The following RORA variants were observed in gnomAD, a reference collection of about 807,000 sequenced individuals.
RORA encodes the protein nuclear receptor ROR-alpha.
In RORA, 7 loss-of-function variants were observed where a neutral mutation model predicts 69.5. The ratio of observed to expected loss-of-function variants is 0.10; its 90% CI spans 0.06 to 0.19. RORA has a LOEUF of 0.19. RORA is among the 10% of genes least tolerant of loss of function. RORA has a pLI of 1.00. For missense variants in RORA, 457 were observed against 663.0 expected (o/e 0.69, Z 3.41); for synonymous variants, 261 against 240.8 (o/e 1.08, Z -0.78).
rs1218975252 is a variant in RORA, at chr15:61,000,659, G to C, written c.166+228394C>G. 3.9e-5 allele frequency among the ~76,000 whole-genome samples: 6 copies of C among 152,176 alleles called. No homozygotes were observed. The East Asian group carries it at 1.2e-3, about 29-fold the overall frequency. On this transcript the variant is annotated intron_variant, in intron 1 of 10. Coordinates refer to ENST00000335670, the MANE Select transcript of RORA (RefSeq NM_134261.3). ...GAGTGAAGGTTAGTGGAATTGGGGT[G>C]GTTTTGACCTCAGAAGAAAGAAAAA... is the stretch of plus-strand genomic sequence containing the variant.
chr15:61,077,258 G>A (rs2078465700), intron 1 of RORA, among the ~76,000 whole-genome samples: 1 of 152,112 alleles, frequency 6.6e-6, no homozygotes. Flanking sequence ...AGGGGAGAAA[G>A]ATAAGGAGAG....
intron 1 of RORA, among the ~76,000 whole-genome samples, chr15:61,051,592 ACAG>A (rs1470045261): frequency 6.6e-6 from 1 of 152,198 alleles, no homozygotes; most frequent in Non-Finnish European, 1.5e-5. Flanking sequence ...AAAGCATCCC[ACAG>A]CAGTTTTAAG....
intron 1 of RORA, among the ~76,000 whole-genome samples, chr15:60,766,065 A>G (rs1567183119): frequency 6.6e-6 from 1 of 152,174 alleles, no homozygotes. Flanking sequence ...TACGCATAGA[A>G]AGCTGTAAAC....
intron 1 of RORA, among the ~76,000 whole-genome samples, chr15:60,869,902 C>T (rs908199436): frequency 6.6e-6 from 1 of 152,162 alleles, no homozygotes; most frequent in Non-Finnish European, 1.5e-5. Context: ...GAGGAGGCAA[C>T]TTGACTAGGA....
chr15:61,176,103 C>T (rs2079627049), intron 1 of RORA: 1 of 152,166 alleles, frequency 6.6e-6, no homozygotes, highest in Admixed American at 6.5e-5. Flanking sequence ...CATTTATTTA[C>T]TTTGAATATT....
chr15:61,027,247 T>C (rs915544404), intron 1 of RORA, among the ~76,000 whole-genome samples: 2 of 152,254 alleles, frequency 1.3e-5, no homozygotes, highest in Non-Finnish European at 2.9e-5. Context: ...TGCAAGTTTA[T>C]ATTTCTAGTA....
chr15:60,724,312 A>C (rs1161063072), intron 1 of RORA, among the ~76,000 whole-genome samples: 2 of 152,208 alleles, frequency 1.3e-5, no homozygotes, highest in Non-Finnish European at 1.5e-5. Flanking sequence ...AGCACTTTAC[A>C]TGTATTTTCT....
intron 1 of RORA, among the ~76,000 whole-genome samples, chr15:61,037,213 G>T (rs1018166371): frequency 1.3e-5 from 2 of 152,166 alleles, no homozygotes; most frequent in African/African-American, 2.4e-5. Flanking sequence ...TTAGTACTGT[G>T]CCAGACATGT....
At chr15:61,224,852 T>G (rs1477301440) in intron 1 of RORA, among the ~76,000 whole-genome samples, 2 of 152,176 alleles carry the variant, frequency 1.3e-5, no homozygotes, top group African/African-American at 4.8e-5. Flanking sequence ...AGCCCCCACC[T>G]CTGCTACCTT....
intron 1 of RORA, among the ~76,000 whole-genome samples, chr15:61,200,309 T>C (rs995345667): frequency 6.6e-6 from 1 of 152,126 alleles, no homozygotes; most frequent in Non-Finnish European, 1.5e-5. Flanking sequence ...TCGCTCCTTT[T>C]TGGACCCTGC....
intron 1 of RORA, among the ~76,000 whole-genome samples, chr15:60,998,619 G>A (rs183328268): frequency 5.9e-5 from 9 of 152,220 alleles, no homozygotes; most frequent in Non-Finnish European, 1.0e-4. Flanking sequence ...GGCCGGTCTC[G>A]AACTCCTGAC....
chr15:60,651,398 C>T (rs1271197711), intron 2 of RORA, among the ~76,000 whole-genome samples: 1 of 152,122 alleles, frequency 6.6e-6, no homozygotes, highest in Non-Finnish European at 1.5e-5. Flanking sequence ...TAGAGTATTC[C>T]TATTTACATA....
At chr15:60,542,644 ACACAC>A (rs2066924262) in intron 2 of RORA, among the ~76,000 whole-genome samples, 1 of 102,078 alleles carries the variant, frequency 9.8e-6, no homozygotes, top group African/African-American at 4.8e-5. Flanking sequence ...CTCACACACG[ACACAC>A]GGGCACACCT....
intron 1 of RORA, among the ~76,000 whole-genome samples, chr15:61,011,684 T>C (rs1247902165): frequency 1.3e-5 from 2 of 152,234 alleles, no homozygotes; most frequent in Non-Finnish European, 2.9e-5. Flanking sequence ...TGAATTACTC[T>C]AGGCATTGCT....
intron 1 of RORA, among the ~76,000 whole-genome samples, chr15:61,177,539 A>T (rs1424266557): frequency 6.6e-6 from 1 of 152,208 alleles, no homozygotes; most frequent in Non-Finnish European, 1.5e-5. Flanking sequence ...CCCAGCTTCC[A>T]TCACATAACT....
intron 2 of RORA, among the ~76,000 whole-genome samples, chr15:60,631,042 A>G (rs1463347969): frequency 6.6e-6 from 1 of 151,676 alleles, no homozygotes; most frequent in Admixed American, 6.6e-5. Context: ...GGCACCCACC[A>G]CCACACCCAG....
intron 1 of RORA, among the ~76,000 whole-genome samples, chr15:60,852,710 G>A (rs1435550092): frequency 1.3e-5 from 2 of 152,158 alleles, no homozygotes; most frequent in South Asian, 2.1e-4. Context: ...AGCCTGGAAG[G>A]GAAATGAAGG....
intron 1 of RORA, among the ~76,000 whole-genome samples, chr15:60,780,620 A>C (rs996141747): frequency 3.3e-5 from 5 of 152,244 alleles, no homozygotes; most frequent in Non-Finnish European, 7.3e-5. Flanking sequence ...TTTGCTTGAT[A>C]GATGAGCACA....
chr15:60,867,239 A>G (rs139623220), intron 1 of RORA, among the ~76,000 whole-genome samples: 1 of 152,262 alleles, frequency 6.6e-6, no homozygotes, highest in East Asian at 1.9e-4. Context: ...CTGTTCTAGT[A>G]AGTGACTGAG....
Sources: allele counts gnomAD v4.1 joint callset (sites outside exome capture counted in the v4.1 genomes callset), GRCh38; gene constraint gnomAD v4.1.1; transcripts MANE v1.5; gene names NCBI Gene and HGNC (gene_info 2026-07-23, HGNC 2026-07-21).